TTC28: variants seen among roughly 807,000 people sequenced by gnomAD.
TTC28 encodes the protein tetratricopeptide repeat domain 28.
In TTC28, 61 loss-of-function variants were observed where a neutral mutation model predicts 198.0. The observed-to-expected ratio is 0.31, with a 90% CI of 0.25 to 0.38. The LOEUF is 0.38. Among genes scored for constraint, TTC28 ranks in the 10% least tolerant of loss-of-function variants. The probability of loss-of-function intolerance (pLI) is 1.00; values close to 1 mark genes in which losing one functional copy is unlikely to be tolerated. For missense variants in TTC28, 2,678 were observed against 3,164.0 expected (o/e 0.85, Z 3.69); for synonymous variants, 1,171 against 1,297.8 (o/e 0.90, Z 2.10).
intron 2 of TTC28, among the ~76,000 whole-genome samples, chr22:28,623,183 C>A (rs1241852616): frequency 3.3e-5 from 5 of 151,834 alleles, no homozygotes; most frequent in African/African-American, 4.8e-5. Context: ...GACTCCTCAG[C>A]TCAAAGAATC....
At chr22:28,653,657 C>T (rs2033430770) in intron 1 of TTC28, among the ~76,000 whole-genome samples, 2 of 152,084 alleles carry the variant, frequency 1.3e-5, no homozygotes, top group African/African-American at 4.8e-5. Context: ...ATTTGTTTTT[C>T]TGAAAGAAAC....
chr22:28,620,565 T>C (rs554325893), intron 2 of TTC28, among the ~76,000 whole-genome samples: 38 of 152,280 alleles, frequency 2.5e-4, no homozygotes, highest in African/African-American at 8.4e-4. Context: ...CTTTGAAGAA[T>C]TGTAACCAGA....
intron 2 of TTC28, among the ~76,000 whole-genome samples, chr22:28,538,677 A>C (rs2049349542): frequency 6.7e-6 from 1 of 149,508 alleles, no homozygotes. Flanking sequence ...CTCTTGCCTC[A>C]GCCTCTTGAG....
At chr22:28,620,349 C>CAA (rs34680067) in intron 2 of TTC28, among the ~76,000 whole-genome samples, 6,456 of 142,522 alleles carry the variant, frequency 0.045, 209 homozygotes, top group Non-Finnish European at 0.069. Flanking sequence ...ATCTCTGTCT[C>CAA]AAAAAAAAAA....
At chr22:28,248,875 T>C (rs1284737875) in intron 5 of TTC28, among the ~76,000 whole-genome samples, 1 of 152,112 alleles carries the variant, frequency 6.6e-6, no homozygotes, top group Non-Finnish European at 1.5e-5. Flanking sequence ...TATTGGGGCA[T>C]TTAGCAGGGG....
intron 5 of TTC28, among the ~76,000 whole-genome samples, chr22:28,215,108 A>C (rs184060616): frequency 1.1e-4 from 16 of 152,238 alleles, no homozygotes; most frequent in Admixed American, 3.9e-4. Context: ...CAGGGTGGGG[A>C]ACATCACACA....
rs1601595607 is a variant in TTC28, at chr22:28,297,733, C to A, written c.649G>T (p.Val217Phe). 2 of 1,551,672 alleles carry A rather than the reference C, an allele frequency of 1.3e-6. No homozygotes were observed. Among genetic ancestry groups the A allele is most frequent in the Non-Finnish European group, 1.7e-6 (2 of 1,146,992 alleles). ...ATCTTCAGTGCGGCTTCTAAGACAA[C>A]CACAGAGGCCCCATGATGGCCAGCT... ...LTAGHHGASV[V>F]VLEAALKIGT... The change falls in exon 4 of 23, where the codon GTT (valine) becomes TTT (phenylalanine). Residue 217 changes from valine (V) to phenylalanine (F), a missense_variant. Physicochemically the swap from Val to Phe is conservative, Grantham distance 50 (BLOSUM62 -1). Coordinates refer to ENST00000397906, the MANE Select transcript of TTC28 (RefSeq NM_001145418.2).
At chr22:28,030,070 G>A (rs1023288439) in intron 13 of TTC28, among the ~76,000 whole-genome samples, 156 bp downstream of exon 13, 17 of 152,236 alleles carry the variant, frequency 1.1e-4, no homozygotes, top group African/African-American at 3.9e-4. Flanking sequence ...AGGCCCTGAC[G>A]GGCATGGGGC....
chr22:28,211,337 C>A (rs1445481593), intron 5 of TTC28, among the ~76,000 whole-genome samples: 6 of 152,212 alleles, frequency 3.9e-5, no homozygotes, highest in Admixed American at 2.0e-4. Context: ...CACAGACTGG[C>A]AAATTGGATA....
At position 27,993,253 on chromosome 22, in the gene TTC28, G is replaced by T. The variant is rs1004367024; in HGVS notation, c.5476+34C>A. 53 of 1,469,866 alleles carry T rather than the reference G, an allele frequency of 3.6e-5. No individual in the cohort carries two copies. The African/African-American group carries it at 6.9e-4, about 19-fold the overall frequency. 91.1% of individuals were successfully genotyped at this position (1,469,866 alleles called of 1,614,324 possible). On this transcript the variant is annotated intron_variant, in intron 18 of 22. Transcript: ENST00000397906. ...CAACTGTTCCACCTGCTGTCAGCCA[G>T]GCCTGTTGCCCCAGCCCTACACCCA...
intron 1 of TTC28, among the ~76,000 whole-genome samples, chr22:28,649,574 A>G (rs2051533775): frequency 6.6e-6 from 1 of 152,164 alleles, no homozygotes; most frequent in South Asian, 2.1e-4. Flanking sequence ...TATTCAATAT[A>G]AACTCTAATC....
At chr22:28,048,615 C>A (rs1180408927) in intron 12 of TTC28, among the ~76,000 whole-genome samples, 1 of 152,126 alleles carries the variant, frequency 6.6e-6, no homozygotes, top group East Asian at 1.9e-4. Context: ...ATCGATTAGG[C>A]CTTAACTGCC....
intron 2 of TTC28, among the ~76,000 whole-genome samples, chr22:28,374,781 G>A (rs559330450): frequency 1.1e-4 from 16 of 152,230 alleles, no homozygotes; most frequent in African/African-American, 3.4e-4. Context: ...TAGCAGGTTC[G>A]AGCGATTCTC....
At chr22:28,335,396 T>G (rs1376522189) in intron 2 of TTC28, among the ~76,000 whole-genome samples, 2 of 152,178 alleles carry the variant, frequency 1.3e-5, no homozygotes, top group Non-Finnish European at 2.9e-5. Flanking sequence ...GTGAAGAAAG[T>G]CTGTGGTAGC....
chr22:28,191,119 T>C (rs1272277726), intron 5 of TTC28, among the ~76,000 whole-genome samples: 1 of 152,222 alleles, frequency 6.6e-6, no homozygotes, highest in Non-Finnish European at 1.5e-5. Context: ...TCTCTGAACA[T>C]CCACCTCATT....
At chr22:28,567,297 G>A (rs1456445188) in intron 2 of TTC28, among the ~76,000 whole-genome samples, 1 of 147,664 alleles carries the variant, frequency 6.8e-6, no homozygotes, top group Non-Finnish European at 1.5e-5. Context: ...GCTGATGTGA[G>A]AGGATCAATT....
chr22:28,194,147 T>C (rs1925160833), intron 5 of TTC28, among the ~76,000 whole-genome samples: 1 of 152,160 alleles, frequency 6.6e-6, no homozygotes, highest in Non-Finnish European at 1.5e-5. Context: ...ACCACTCAAC[T>C]ATATGGAAAC....
chr22:28,504,932 T>G (rs1428998741), intron 2 of TTC28, among the ~76,000 whole-genome samples: 6 of 152,078 alleles, frequency 3.9e-5, no homozygotes, highest in Non-Finnish European at 8.8e-5. Flanking sequence ...TCATAAGTAT[T>G]TTTTCTTAAC....
At chr22:28,199,186 C>G (rs573150829) in intron 5 of TTC28, among the ~76,000 whole-genome samples, 18 of 151,610 alleles carry the variant, frequency 1.2e-4, no homozygotes, top group African/African-American at 4.1e-4. Context: ...ATTTAAAAAT[C>G]TAAGAAATGG....
Sources: gnomAD v4.1 joint callset for allele counts (sites outside exome capture counted in the v4.1 genomes callset) on GRCh38, gnomAD v4.1.1 for gene constraint, MANE v1.5 for transcripts, NCBI Gene and HGNC (gene_info 2026-07-23, HGNC 2026-07-21) for gene names.